The following FUCA1 variants were observed in gnomAD, a reference collection of about 807,000 sequenced individuals.
FUCA1 encodes tissue alpha-L-fucosidase.
A neutral mutation model predicts 56.8 loss-of-function variants in FUCA1; 52 were observed. That is an observed-to-expected ratio of 0.92 (90% CI 0.73 to 1.15). The LOEUF (loss-of-function observed/expected upper bound fraction) is 1.15. FUCA1 is among the 50% of genes most tolerant of loss of function. The probability of loss-of-function intolerance (pLI) is 0.00; values close to 1 mark genes in which losing one functional copy is unlikely to be tolerated. For missense variants in FUCA1, 568 were observed against 592.6 expected (o/e 0.96, Z 0.43); for synonymous variants, 230 against 226.6 (o/e 1.02, Z -0.14).
chr1:23,862,365 C>T (rs1469339851), intron 3 of FUCA1, among the ~76,000 whole-genome samples: 3 of 152,106 alleles, frequency 2.0e-5, no homozygotes, highest in Non-Finnish European at 4.4e-5. Context: ...CGAGATTTCA[C>T]CGTGTTGGCC....
At chr1:23,853,290 G>T (rs1423164694) in intron 5 of FUCA1, among the ~76,000 whole-genome samples, 1 of 151,058 alleles carries the variant, frequency 6.6e-6, no homozygotes, top group Admixed American at 6.6e-5. Flanking sequence ...CAGCCACCCC[G>T]TCTGGTAAGT....
intron 5 of FUCA1, among the ~76,000 whole-genome samples, chr1:23,853,244 C>T (rs1244770818): frequency 4.0e-5 from 6 of 151,106 alleles, no homozygotes; most frequent in African/African-American, 7.3e-5. Context: ...GCCTGGCAAC[C>T]GCCCCATATG....
chr1:23,860,053 A>C, intron 3 of FUCA1, 150 bp from the exon 4 acceptor site: 1 of 634,570 alleles, frequency 1.6e-6, no homozygotes, highest in South Asian at 1.7e-5. Flanking sequence ...ACAATGCACT[A>C]TAGTCTCGAA....
intron 6 of FUCA1, among the ~76,000 whole-genome samples, chr1:23,847,305 G>A (rs976711080): frequency 6.6e-6 from 1 of 151,184 alleles, no homozygotes; most frequent in Non-Finnish European, 1.5e-5. Flanking sequence ...ACAAGGACAA[G>A]ACATGCAATG....
rs777329383 is a variant in FUCA1, at chr1:23,865,635, G to A, written c.390-10C>T. 6.2e-7 allele frequency: 1 copy of A among 1,614,224 alleles called. No homozygotes were observed. The highest frequency in any genetic ancestry group is 1.1e-5 in the South Asian group (1 of 91,092). ...CGTCAAAACTACATACCTGTGGACA[G>A]CAAAACCACATGAGCAAAGGAAGTG... On this transcript the variant is annotated splice_polypyrimidine_tract_variant and intron_variant, in intron 1 of 7. Transcript: ENST00000374479.
chr1:23,846,818 G>A (rs1211858954), intron 6 of FUCA1, among the ~76,000 whole-genome samples: 1 of 152,104 alleles, frequency 6.6e-6, no homozygotes, highest in African/African-American at 2.4e-5. Flanking sequence ...CTGACCTCAG[G>A]TGATCCACCC....
At chr1:23,858,345 G>A (rs1639437202) in intron 4 of FUCA1, among the ~76,000 whole-genome samples, 1 of 152,198 alleles carries the variant, frequency 6.6e-6, no homozygotes, top group African/African-American at 2.4e-5. Flanking sequence ...GGGATTACAG[G>A]CGTGAGCCAC....
chr1:23,850,525 C>T (rs1345471637), intron 5 of FUCA1, among the ~76,000 whole-genome samples: 3 of 151,638 alleles, frequency 2.0e-5, no homozygotes, highest in African/African-American at 7.3e-5. Context: ...GCTCTGTCAC[C>T]CAGGCTGGAG....
At position 23,867,651 on chromosome 1, in the gene FUCA1, G is replaced by A; in HGVS notation, c.389+247C>T. The stretch of plus-strand genomic sequence containing the variant: ...CCTAACTCAGCCCTCTCGGTGCACA[G>A]GTGCAGATACCCAGGGCTTCCCAGC... On this transcript the variant is annotated intron_variant, in intron 1 of 7. Coordinates refer to ENST00000374479, the MANE Select transcript of FUCA1 (RefSeq NM_000147.5). This position sits in a 1 kb window ranked among gnomAD's most constrained non-coding sequence, Gnocchi z 4.9. 1 of 896,318 alleles carries A rather than the reference G, an allele frequency of 1.1e-6. No individual in the cohort carries two copies. The highest frequency in any genetic ancestry group is 1.3e-6 in the Non-Finnish European group (1 of 748,662). 55.5% of individuals were successfully genotyped at this position (896,318 alleles called of 1,614,324 possible). A position where few individuals can be genotyped will look rare whatever the true frequency, so the allele number is the denominator to read the frequency against.
intron 4 of FUCA1, among the ~76,000 whole-genome samples, chr1:23,856,011 G>T (rs1285774218): frequency 2.0e-5 from 3 of 152,176 alleles, no homozygotes; most frequent in Non-Finnish European, 4.4e-5. Flanking sequence ...CATCATATCA[G>T]AGTTTATGCC....
chr1:23,868,190 G>C lies in FUCA1; in HGVS notation c.97C>G (p.Pro33Ala), dbSNP rs778425491. 6.2e-7 allele frequency: 1 copy of C among 1,602,252 alleles called. No individual in the cohort carries two copies. Among genetic ancestry groups the C allele is most frequent in the Non-Finnish European group, 8.5e-7 (1 of 1,175,476 alleles). The change falls in exon 1 of 8, where the codon CCT (proline) becomes GCT (alanine). Residue 33 changes from proline (P) to alanine (A), a missense_variant. Coordinates refer to ENST00000374479, the MANE Select transcript of FUCA1 (RefSeq NM_000147.5). ...GAAESVRRAQPPRRYTPDWPS... is the reference protein window; with the variant it reads ...GAAESVRRAQAPRRYTPDWPS... ...CAGTCTGGGGTGTAGCGGCGCGGAG[G>C]CTGGGCCCGACGCACCGACTCGGCC...
In FUCA1 at chr1:23,863,217, A is replaced by T. The variant is rs1335019385; in HGVS notation, c.579T>A (p.Tyr193Ter). The T allele has an allele frequency of 6.2e-7, 1 of 1,613,714 alleles. No homozygotes were observed. ...HSLLEWFHPL[Y>*]LLDKKNGFKT... is the part of the protein sequence containing the mutation. ...TGAAGCCATTTTTCTTATCAAGTAG[A>T]TAGAGTGGATGGAACCACTCTAAGA... Residue 193 changes from tyrosine to a stop codon, truncating the protein, a stop_gained, in exon 3 of 8, where the codon TAT becomes TAA. Transcript: ENST00000374479. LOFTEE classifies it high-confidence loss of function.
chr1:23,851,850 G>T (rs1193574698), intron 5 of FUCA1, among the ~76,000 whole-genome samples: 1 of 151,992 alleles, frequency 6.6e-6, no homozygotes, highest in Non-Finnish European at 1.5e-5. Flanking sequence ...ACACACCAGG[G>T]CTTGTTGGAA....
intron 2 of FUCA1, among the ~76,000 whole-genome samples, chr1:23,865,156 C>T (rs1639596918): frequency 1.3e-5 from 2 of 152,132 alleles, no homozygotes; most frequent in African/African-American, 4.8e-5. Flanking sequence ...TTTATACAGA[C>T]ACTCAGCCTA....
chr1:23,858,888 T>TGAGTAGCTGGGACTACCTCCC (rs1366333883), intron 4 of FUCA1, among the ~76,000 whole-genome samples: 7 of 152,140 alleles, frequency 4.6e-5, no homozygotes, highest in African/African-American at 1.4e-4. Context: ...ATCAGCCTCC[T>TGAGTAGCTGGGACTACCTCCC]GAGTAGCTGG....
chr1:23,860,598 A>C (rs1057289862), intron 3 of FUCA1, among the ~76,000 whole-genome samples: 39 of 150,984 alleles, frequency 2.6e-4, no homozygotes, highest in Non-Finnish European at 4.6e-4. Context: ...AAAAAAAAAA[A>C]AAACACACAG....
intron 3 of FUCA1, 23 bp downstream of exon 3, chr1:23,863,111 G>A (rs1639542438): frequency 6.2e-7 from 1 of 1,612,938 alleles, no homozygotes; most frequent in Non-Finnish European, 8.5e-7. Context: ...AAGTCATAGG[G>A]CCAAAATATT....
At chr1:23,851,793 T>C (rs1645406890) in intron 5 of FUCA1, among the ~76,000 whole-genome samples, 1 of 146,442 alleles carries the variant, frequency 6.8e-6, no homozygotes, top group South Asian at 2.2e-4. Flanking sequence ...CACTCATAAG[T>C]GGGAGTTGAA....
At chr1:23,855,055 A>G (rs1051559045) in intron 4 of FUCA1, among the ~76,000 whole-genome samples, 1 of 151,978 alleles carries the variant, frequency 6.6e-6, no homozygotes, top group Non-Finnish European at 1.5e-5. Context: ...TTTTCCAACT[A>G]TATAATCCCA....
Sources: allele counts gnomAD v4.1 joint callset (sites outside exome capture counted in the v4.1 genomes callset), GRCh38; gene constraint gnomAD v4.1.1; non-coding constraint Gnocchi (gnomAD v3.1); transcripts MANE v1.5; gene names NCBI Gene and HGNC (gene_info 2026-07-23, HGNC 2026-07-21).